The following DLG2 variants were observed in gnomAD, a reference collection of about 807,000 sequenced individuals.
DLG2 encodes disks large homolog 2.
DLG2 carries 45 observed loss-of-function variants against 132.5 expected under a neutral mutation model. That is an observed-to-expected ratio of 0.34 (90% confidence interval 0.27 to 0.44). The LOEUF is 0.44. Ranked by LOEUF, DLG2 falls within the 20% of genes least tolerant of loss-of-function variation. The pLI, the probability that DLG2 is intolerant of heterozygous loss-of-function variation, is 1.00. For synonymous variants in DLG2, 424 were observed against 419.6 expected (o/e 1.01, Z -0.13); for missense variants, 1,045 against 1,196.9 (o/e 0.87, Z 1.87).
At chr11:83,814,250 G>A (rs914917132) in intron 17 of DLG2, among the ~76,000 whole-genome samples, 1 of 152,082 alleles carries the variant, frequency 6.6e-6, no homozygotes, top group Non-Finnish European at 1.5e-5. Context: ...TGATGCAATC[G>A]CTTAGGAATT....
At chr11:84,091,935 C>T (rs1031410376) in intron 10 of DLG2, among the ~76,000 whole-genome samples, 1 of 152,162 alleles carries the variant, frequency 6.6e-6, no homozygotes, top group African/African-American at 2.4e-5. Context: ...AGGATGCCTT[C>T]AGGTCCTTAC....
intron 6 of DLG2, among the ~76,000 whole-genome samples, chr11:84,974,764 C>A (rs112327504): frequency 6.6e-6 from 1 of 152,188 alleles, no homozygotes; most frequent in Non-Finnish European, 1.5e-5. Context: ...GAATCAGAAA[C>A]TATGGGGTTA....
At chr11:83,630,960 G>A (rs2063442931) in intron 19 of DLG2, among the ~76,000 whole-genome samples, 1 of 152,094 alleles carries the variant, frequency 6.6e-6, no homozygotes. Flanking sequence ...TATATAATCA[G>A]AGAAACCCTG....
At chr11:83,591,294 T>C (rs1311149442) in intron 19 of DLG2, among the ~76,000 whole-genome samples, 1 of 132,418 alleles carries the variant, frequency 7.6e-6, no homozygotes, top group Admixed American at 8.3e-5. Flanking sequence ...TTATCCACTA[T>C]GATCAAGTGG....
intron 12 of DLG2, 57 bp downstream of exon 12, chr11:83,980,440 ACAGTCATAC>A: frequency 1.3e-6 from 2 of 1,501,174 alleles, no homozygotes; most frequent in Non-Finnish European, 1.8e-6. Flanking sequence ...ACTGACAAAG[ACAGTCATAC>A]ACTGGAAAAC....
At chr11:83,605,352 C>T (rs2059191157) in intron 19 of DLG2, among the ~76,000 whole-genome samples, 1 of 152,068 alleles carries the variant, frequency 6.6e-6, no homozygotes, top group African/African-American at 2.4e-5. Context: ...TTTTACGACC[C>T]ACTCGGCAAT....
intron 3 of DLG2, among the ~76,000 whole-genome samples, chr11:85,581,128 C>T (rs1468893243): frequency 6.6e-6 from 1 of 152,164 alleles, no homozygotes; most frequent in East Asian, 1.9e-4. Context: ...GGCTGTGCTC[C>T]TCTTCCTAAA....
chr11:84,015,591 T>C (rs990100815), intron 11 of DLG2, among the ~76,000 whole-genome samples: 3 of 152,122 alleles, frequency 2.0e-5, no homozygotes, highest in Non-Finnish European at 2.9e-5. Context: ...TGTGTCCATG[T>C]GTTCTTATCA....
At chr11:85,267,858 T>C (rs1266203462) in intron 4 of DLG2, among the ~76,000 whole-genome samples, 1 of 150,190 alleles carries the variant, frequency 6.7e-6, no homozygotes, top group African/African-American at 2.5e-5. Flanking sequence ...CACACAACGA[T>C]CTCAGACAAC....
chr11:84,183,098 A>C (rs34041407), intron 8 of DLG2, among the ~76,000 whole-genome samples: 9,848 of 152,236 alleles, frequency 0.065, 391 homozygotes, highest in African/African-American at 0.1. Context: ...TCAATAATTA[A>C]TAACCTTCCC....
At chr11:83,510,124 T>C (rs549208146) in intron 21 of DLG2, among the ~76,000 whole-genome samples, 1 of 152,302 alleles carries the variant, frequency 6.6e-6, no homozygotes, top group African/African-American at 2.4e-5. Flanking sequence ...TTTCTGACCA[T>C]CAGGGAGTTA....
chr11:85,481,770 T>A (rs541501567), intron 3 of DLG2, among the ~76,000 whole-genome samples: 1 of 151,728 alleles, frequency 6.6e-6, no homozygotes, highest in East Asian at 2.0e-4. Flanking sequence ...CAAACCCACA[T>A]AGTCCTAGTC....
chr11:85,135,371 C>T (rs1309385869), intron 5 of DLG2, among the ~76,000 whole-genome samples: 1 of 152,126 alleles, frequency 6.6e-6, no homozygotes, highest in Non-Finnish European at 1.5e-5. Context: ...AGAATGGAGA[C>T]AATCAGGGGT....
chr11:85,526,070 C>A (rs2074718414), intron 3 of DLG2, among the ~76,000 whole-genome samples: 2 of 152,170 alleles, frequency 1.3e-5, no homozygotes, highest in South Asian at 4.1e-4. Flanking sequence ...CTTCTTAATT[C>A]ACTAGGCATT....
intron 3 of DLG2, among the ~76,000 whole-genome samples, chr11:85,366,923 A>G (rs2084602306): frequency 6.6e-6 from 1 of 152,070 alleles, no homozygotes; most frequent in Non-Finnish European, 1.5e-5. Context: ...TGATGTCATG[A>G]TGTCATTTCA....
intron 6 of DLG2, among the ~76,000 whole-genome samples, chr11:84,539,946 T>C (rs2099364133): frequency 6.6e-6 from 1 of 152,198 alleles, no homozygotes. Flanking sequence ...GGGGAAAGGA[T>C]GCCCTATTTA....
rs747745832 is a variant in DLG2 at position 85,308,155 on chromosome 11, AAAAATAAAAT to A, written c.41-22800_41-22791del. ...GGTGACAGAGCGAGACTCTGTCTCA[AAAAATAAAAT>A]AAAATAAAATAAAATAAAATAAAAT... On this transcript the variant is annotated intron_variant, in intron 3 of 27. Coordinates refer to ENST00000376104, the MANE Select transcript of DLG2 (RefSeq NM_001142699.3). 7.3e-3 allele frequency among the ~76,000 whole-genome samples: 349 copies of A among 47,922 alleles called. 2 individuals are homozygous for A. Among genetic ancestry groups the A allele is most frequent in the African/African-American group, 0.021 (322 of 15,470 alleles). 31.4% of individuals were successfully genotyped at this position (47,922 alleles called of 152,430 possible). A position where few individuals can be genotyped will look rare whatever the true frequency, so the allele number is the denominator to read the frequency against.
chr11:84,860,290 A>C (rs17147654), intron 6 of DLG2, among the ~76,000 whole-genome samples: 2 of 152,028 alleles, frequency 1.3e-5, no homozygotes, highest in African/African-American at 4.8e-5. Flanking sequence ...TATGACCCAC[A>C]ATCTATGTTT....
At chr11:85,419,507 C>T (rs1196185385) in intron 3 of DLG2, among the ~76,000 whole-genome samples, 1 of 152,166 alleles carries the variant, frequency 6.6e-6, no homozygotes, top group African/African-American at 2.4e-5. Flanking sequence ...TGGATAATAT[C>T]CTGAAGCGCA....
Sources: gnomAD v4.1 joint callset for allele counts (sites outside exome capture counted in the v4.1 genomes callset) on GRCh38, gnomAD v4.1.1 for gene constraint, MANE v1.5 for transcripts, NCBI Gene and HGNC (gene_info 2026-07-23, HGNC 2026-07-21) for gene names.